Variants in SHC4 observed in about 807,000 individuals in gnomAD.
The protein encoded by SHC4 is SHC-transforming protein 4.
In SHC4, 41 loss-of-function variants were observed where a neutral mutation model predicts 69.4. The ratio of observed to expected loss-of-function variants is 0.59; its 90% CI spans 0.46 to 0.77. The LOEUF (loss-of-function observed/expected upper bound fraction) is 0.77, where lower values mean the gene tolerates loss of function less well. Ranked by LOEUF, SHC4 falls within the 30% of genes least tolerant of loss-of-function variation. The pLI is 0.00. For synonymous variants in SHC4, 318 were observed against 299.3 expected, an observed-to-expected ratio of 1.06 and a Z score of -0.64; for missense variants, 777 against 783.8, an observed-to-expected ratio of 0.99 and a Z score of 0.10.
In SHC4 at chr15:48,877,417, T is replaced by C. The variant is rs941289607; in HGVS notation, c.841-5275A>G. The C allele has an allele frequency of 4.1e-6, 4 of 973,356 alleles. No individual in the cohort carries two copies. In the African/African-American group the frequency reaches 5.3e-5, roughly 13 times the overall value. The allele number at this position is 973,356 out of a possible 1,614,324, so 60.3% of individuals were successfully genotyped here. On this transcript the variant is annotated intron_variant, in intron 4 of 11. Transcript: ENST00000332408. The stretch of plus-strand genomic sequence containing the variant: ...TAAGTATACACAGTCATATAATTCA[T>C]ATAAGTATATACAACTTAAAACCTG...
rs1019703752 is a variant in SHC4 at position 48,943,269 on chromosome 15, C to T, written c.586-18320G>A. ...ATACCTCACCATTTTCTCCCGCTCC[C>T]TGGCCCTTGTAACCCCTGTTCTACT... On this transcript the variant is annotated intron_variant, in intron 1 of 11. Transcript: ENST00000332408. 2.6e-5 allele frequency among the ~76,000 whole-genome samples: 4 copies of T among 152,180 alleles called. No homozygotes were observed. In the East Asian group the frequency reaches 7.7e-4, roughly 29 times the overall value.
chr15:48,960,625 A>C (rs1595771397), intron 1 of SHC4, among the ~76,000 whole-genome samples: 1 of 152,164 alleles, frequency 6.6e-6, no homozygotes, highest in East Asian at 1.9e-4. Context: ...TGAGATCCTA[A>C]TTGTCTGTTT....
At chr15:48,827,126 GA>G (rs1898703453) in intron 11 of SHC4, among the ~76,000 whole-genome samples, 1 of 152,126 alleles carries the variant, frequency 6.6e-6, no homozygotes, top group African/African-American at 2.4e-5. Flanking sequence ...AACCATCCAG[GA>G]AAGGGGAAGG....
rs549048992 is a variant in SHC4, at chr15:48,850,290, G to A, written c.1303+898C>T. Among the ~76,000 whole-genome samples the A allele has an allele frequency of 2.0e-5, 3 of 152,152 alleles. No individual in the cohort carries two copies. The South Asian group carries it at 6.2e-4, about 32-fold the overall frequency. On this transcript the variant is annotated intron_variant, in intron 9 of 11. Coordinates refer to ENST00000332408, the MANE Select transcript of SHC4 (RefSeq NM_203349.4). ...CTTAGGTTCACTACTCCGTTTACAA[G>A]ATAGAGGAAGGTGGTAATCATACCT...
chr15:48,948,771 T>A (rs1157948852), intron 1 of SHC4, among the ~76,000 whole-genome samples: 1 of 152,170 alleles, frequency 6.6e-6, no homozygotes, highest in Non-Finnish European at 1.5e-5. Context: ...CCAAGCCTGT[T>A]GGTGTTTGCC....
intron 1 of SHC4, 127 bp from the exon 2 acceptor site, chr15:48,925,076 T>G: frequency 1.2e-6 from 1 of 840,812 alleles, no homozygotes; most frequent in East Asian, 2.6e-5. Context: ...TTGCACCCTC[T>G]GCCTACAACT....
At chr15:48,842,340 G>A (rs1302311961) in intron 10 of SHC4, among the ~76,000 whole-genome samples, 1 of 152,200 alleles carries the variant, frequency 6.6e-6, no homozygotes, top group Non-Finnish European at 1.5e-5. Flanking sequence ...AGTAGCCACT[G>A]TGACTCATGC....
intron 6 of SHC4, among the ~76,000 whole-genome samples, chr15:48,861,480 G>C (rs1567055207): frequency 6.6e-6 from 1 of 152,202 alleles, no homozygotes; most frequent in Non-Finnish European, 1.5e-5. Context: ...TCATGGGACA[G>C]GATAGAGGTG....
At chr15:48,867,951 A>T in intron 5 of SHC4, 82 bp from the exon 6 acceptor site, 2 of 1,101,980 alleles carry the variant, frequency 1.8e-6, no homozygotes, top group Admixed American at 2.1e-5. Flanking sequence ...CATGATACTG[A>T]GGCAAGGACT....
intron 7 of SHC4, 89 bp from the exon 8 acceptor site, chr15:48,856,213 C>T: frequency 7.7e-7 from 1 of 1,290,676 alleles, no homozygotes; most frequent in Non-Finnish European, 1.1e-6. Context: ...GCAAATCATC[C>T]TGAAAAACTT....
chr15:48,878,310 C>G lies in SHC4; in HGVS notation c.840+5938G>C, dbSNP rs748264256. The G allele has an allele frequency of 2.5e-6, 4 of 1,613,728 alleles. No homozygotes were observed. In the Admixed American group the frequency reaches 5.0e-5, roughly 20 times the overall value. On this transcript the variant is annotated intron_variant, in intron 4 of 11. Coordinates refer to ENST00000332408, the MANE Select transcript of SHC4 (RefSeq NM_203349.4). ...AGCCGGGAGCTATCCCTGCGTCCCT[C>G]CCGCAGCGGGGCCCAACAGCTCGAG...
At chr15:48,919,315 T>TTTTTTTTTTTTTTTA (rs66789098) in intron 2 of SHC4, among the ~76,000 whole-genome samples, 1 of 131,698 alleles carries the variant, frequency 7.6e-6, no homozygotes, top group African/African-American at 3.0e-5. Context: ...TTTTTTTTTT[T>TTTTTTTTTTTTTTTA]GTAGAGATGG....
At chr15:48,851,776 G>A (rs1378725845) in intron 8 of SHC4, among the ~76,000 whole-genome samples, 1 of 152,176 alleles carries the variant, frequency 6.6e-6, no homozygotes, top group East Asian at 1.9e-4. Flanking sequence ...ATGCCTTTGA[G>A]ATGAACAGTG....
intron 6 of SHC4, among the ~76,000 whole-genome samples, chr15:48,858,771 T>C (rs1899380818): frequency 6.6e-6 from 1 of 152,198 alleles, no homozygotes; most frequent in Admixed American, 6.5e-5. Flanking sequence ...ATAAATCTCA[T>C]GACAAATTTT....
intron 1 of SHC4, among the ~76,000 whole-genome samples, chr15:48,961,633 C>A (rs1015757583): frequency 1.3e-5 from 2 of 152,184 alleles, no homozygotes; most frequent in African/African-American, 2.4e-5. Context: ...TTCCTTTTTT[C>A]TGAATTCCCT....
chr15:48,880,265 G>C (rs1899915064), intron 4 of SHC4: 1 of 166,532 alleles, frequency 6.0e-6, no homozygotes, highest in South Asian at 2.1e-4. Context: ...AGGCTGATCA[G>C]AATTGCTCAG....
At chr15:48,867,953 G>A in intron 5 of SHC4, 84 bp from the exon 6 acceptor site, 2 of 1,089,102 alleles carry the variant, frequency 1.8e-6, no homozygotes, top group Non-Finnish European at 2.7e-6. Flanking sequence ...TGATACTGAG[G>A]CAAGGACTCA....
intron 1 of SHC4, among the ~76,000 whole-genome samples, chr15:48,942,383 C>T (rs1044664535): frequency 3.3e-5 from 5 of 151,926 alleles, no homozygotes; most frequent in African/African-American, 1.2e-4. Context: ...TTGAATCAAA[C>T]TCAAATAACG....
intron 11 of SHC4, among the ~76,000 whole-genome samples, chr15:48,826,923 A>T (rs1199705369): frequency 1.3e-5 from 2 of 152,190 alleles, no homozygotes; most frequent in Non-Finnish European, 2.9e-5. Flanking sequence ...ATAGTAGCTG[A>T]TTCACAGATA....
Sources: gnomAD v4.1 joint callset for allele counts (sites outside exome capture counted in the v4.1 genomes callset) on GRCh38, gnomAD v4.1.1 for gene constraint, MANE v1.5 for transcripts, NCBI Gene and HGNC (gene_info 2026-07-23, HGNC 2026-07-21) for gene names.